The following ELP4 variants were observed in gnomAD, a reference collection of about 807,000 sequenced individuals.
ELP4 encodes elongator acetyltransferase complex subunit 4.
Under a neutral mutation model 48.9 loss-of-function variants are expected in ELP4, and 51 were observed. The ratio of observed to expected loss-of-function variants is 1.04; its 90% CI spans 0.83 to 1.32. The LOEUF is 1.32. Among genes scored for constraint, ELP4 ranks in the 40% most tolerant of loss-of-function variants. ELP4 has a pLI of 0.00. For missense variants in ELP4, 519 were observed against 514.6 expected (o/e 1.01, Z -0.08); for synonymous variants, 210 against 189.2 (o/e 1.11, Z -0.90).
chr11:31,575,577 C>G lies in ELP4; in HGVS notation c.382-19193C>G, dbSNP rs142658423. ...TACCCACAAAGGGAAGCCCATCAGACTAACAGCTGATCTCTCGGCAGACAT... is the reference window on the plus strand; with the variant it reads ...TACCCACAAAGGGAAGCCCATCAGAGTAACAGCTGATCTCTCGGCAGACAT... On this transcript the variant is annotated intron_variant, in intron 3 of 9. Coordinates refer to ENST00000640961, the MANE Select transcript of ELP4 (RefSeq NM_019040.5). 5.9e-3 allele frequency among the ~76,000 whole-genome samples: 904 copies of G among 152,308 alleles called. 9 individuals are homozygous for G. The highest frequency in any genetic ancestry group is 0.021 in the African/African-American group (861 of 41,572).
intron 9 of ELP4, among the ~76,000 whole-genome samples, chr11:31,737,610 G>C (rs1325355006): frequency 1.3e-5 from 2 of 152,074 alleles, no homozygotes; most frequent in African/African-American, 4.8e-5. Flanking sequence ...AAAATATATA[G>C]AGAACGCCTA....
At chr11:31,717,541 G>A (rs2134180926) in intron 9 of ELP4, among the ~76,000 whole-genome samples, 1 of 151,882 alleles carries the variant, frequency 6.6e-6, no homozygotes, top group East Asian at 1.9e-4. Context: ...GGATCACAAG[G>A]TCAGGAGTTC....
At chr11:31,683,045 T>C (rs1480694203) in intron 9 of ELP4, among the ~76,000 whole-genome samples, 1 of 152,190 alleles carries the variant, frequency 6.6e-6, no homozygotes. Flanking sequence ...TATATTTACA[T>C]AAATTTATTT....
At chr11:31,755,177 T>C (rs1023543258) in intron 9 of ELP4, among the ~76,000 whole-genome samples, 1 of 152,214 alleles carries the variant, frequency 6.6e-6, no homozygotes, top group Non-Finnish European at 1.5e-5. Flanking sequence ...GAAAATAGTA[T>C]TGTTTTTTAG....
At chr11:31,580,485 C>T (rs1957370644) in intron 3 of ELP4, among the ~76,000 whole-genome samples, 1 of 152,024 alleles carries the variant, frequency 6.6e-6, no homozygotes, top group South Asian at 2.1e-4. Flanking sequence ...TTCTGTACTG[C>T]CTTTTCCTTC....
chr11:31,647,434 T>G (rs1427988216), intron 7 of ELP4: 1 of 238,184 alleles, frequency 4.2e-6, no homozygotes, highest in Non-Finnish European at 8.3e-6. Flanking sequence ...GTCTTGTTCC[T>G]TAATACAAGT....
intron 9 of ELP4, among the ~76,000 whole-genome samples, chr11:31,715,522 G>C (rs1043932670): frequency 4.6e-5 from 7 of 152,208 alleles, no homozygotes; most frequent in Non-Finnish European, 8.8e-5. Flanking sequence ...TGTGTGAAAT[G>C]TCAGTTGTAT....
In ELP4 at chr11:31,784,225, C is replaced by A. The variant is rs1228957226; in HGVS notation, c.*701C>A. Reference sequence around the variant, plus strand: ...GGATTGAAATTCAAACTGACAGCTACATTAATGCTAGGATACCAGGAGAAA... The same window carrying A: ...GGATTGAAATTCAAACTGACAGCTAAATTAATGCTAGGATACCAGGAGAAA... On this transcript the variant is annotated 3_prime_UTR_variant, in exon 10 of 10. Transcript: ENST00000640961. The A allele has an allele frequency of 6.6e-6, 1 of 152,196 alleles. No homozygotes were observed. Among genetic ancestry groups the A allele is most frequent in the Non-Finnish European group, 1.5e-5 (1 of 68,014 alleles). 9.4% of individuals were successfully genotyped at this position (152,196 alleles called of 1,614,324 possible). A position where few individuals can be genotyped will look rare whatever the true frequency, so the allele number is the denominator to read the frequency against.
At chr11:31,551,670 A>G (rs760343815) in intron 3 of ELP4, among the ~76,000 whole-genome samples, 1 of 152,170 alleles carries the variant, frequency 6.6e-6, no homozygotes, top group Admixed American at 6.6e-5. Flanking sequence ...ACCAAATTAC[A>G]TGCATTAAGT....
chr11:31,754,920 T>G (rs1947801414), intron 9 of ELP4, among the ~76,000 whole-genome samples: 1 of 152,102 alleles, frequency 6.6e-6, no homozygotes, highest in South Asian at 2.1e-4. Context: ...CCCATAACAA[T>G]GGCATTCTAG....
At chr11:31,611,380 A>T (rs1167592663) in intron 5 of ELP4, among the ~76,000 whole-genome samples, 2 of 152,186 alleles carry the variant, frequency 1.3e-5, no homozygotes, top group African/African-American at 4.8e-5. Context: ...TTACAGTATG[A>T]GTCGGCTCTT....
chr11:31,518,957 A>G (rs1956165432), intron 1 of ELP4, among the ~76,000 whole-genome samples: 1 of 150,244 alleles, frequency 6.7e-6, no homozygotes, highest in Non-Finnish European at 1.5e-5. Context: ...GATTATAGGC[A>G]TGCACCACCA....
rs1472766772 is a variant in ELP4 at position 31,559,712 on chromosome 11, T to A, written c.381+19929T>A. On this transcript the variant is annotated intron_variant, in intron 3 of 9. Coordinates refer to ENST00000640961, the MANE Select transcript of ELP4 (RefSeq NM_019040.5). Reference sequence around the variant, plus strand: ...TGAGGTCAGGAGTTCGAGACCAGCCTGACCAACATGGAGAAACCTCATCTC... The same window carrying A: ...TGAGGTCAGGAGTTCGAGACCAGCCAGACCAACATGGAGAAACCTCATCTC... 2.6e-5 allele frequency among the ~76,000 whole-genome samples: 4 copies of A among 152,246 alleles called. No homozygotes were observed. In the South Asian group the frequency reaches 6.2e-4, roughly 24 times the overall value.
chr11:31,574,313 C>A (rs564147641), intron 3 of ELP4, among the ~76,000 whole-genome samples: 22 of 152,236 alleles, frequency 1.4e-4, no homozygotes, highest in African/African-American at 5.3e-4. Context: ...GGAGCCCACC[C>A]CAGCTAAGGA....
chr11:31,698,117 C>T (rs1255123391), intron 9 of ELP4, among the ~76,000 whole-genome samples: 1 of 152,036 alleles, frequency 6.6e-6, no homozygotes, highest in Non-Finnish European at 1.5e-5. Flanking sequence ...TTTAACCTTC[C>T]CAGCTGTAGC....
chr11:31,561,623 T>G (rs1325274319), intron 3 of ELP4, among the ~76,000 whole-genome samples: 1 of 152,086 alleles, frequency 6.6e-6, no homozygotes, highest in Non-Finnish European at 1.5e-5. Context: ...TTTATATTTT[T>G]AATAGAGACG....
intron 3 of ELP4, among the ~76,000 whole-genome samples, chr11:31,568,450 A>G (rs765704633): frequency 2.6e-5 from 4 of 152,220 alleles, no homozygotes; most frequent in East Asian, 3.9e-4. Context: ...TGAAATGTAT[A>G]TGGAACTACA....
chr11:31,604,487 A>G (rs1192374995), intron 5 of ELP4, among the ~76,000 whole-genome samples: 1 of 151,918 alleles, frequency 6.6e-6, no homozygotes, highest in Non-Finnish European at 1.5e-5. Flanking sequence ...TTATACTGCC[A>G]GTACATTATT....
At chr11:31,536,486 G>A (rs1040084017) in intron 2 of ELP4, among the ~76,000 whole-genome samples, 1 of 152,070 alleles carries the variant, frequency 6.6e-6, no homozygotes, top group Admixed American at 6.6e-5. Context: ...TGAGTAGCTG[G>A]GATTATACGC....
Sources: gnomAD v4.1 joint callset for allele counts (sites outside exome capture counted in the v4.1 genomes callset) on GRCh38, gnomAD v4.1.1 for gene constraint, MANE v1.5 for transcripts, NCBI Gene and HGNC (gene_info 2026-07-23, HGNC 2026-07-21) for gene names.